USP22: variants seen among roughly 807,000 people sequenced by gnomAD.
USP22 encodes the protein ubiquitin carboxyl-terminal hydrolase 22.
A neutral mutation model predicts 68.1 loss-of-function variants in USP22; 22 were observed. The observed-to-expected ratio is 0.32, with a 90% CI of 0.23 to 0.46. The LOEUF is 0.46. Among genes scored for constraint, USP22 ranks in the 20% least tolerant of loss-of-function variants. USP22 has a pLI of 1.00. For synonymous variants in USP22, 279 were observed against 274.2 expected, an observed-to-expected ratio of 1.02 and a Z score of -0.17; for missense variants, 433 against 695.8, an observed-to-expected ratio of 0.62 and a Z score of 4.25.
chr17:21,036,894 T>G (rs1047325058), intron 1 of USP22, among the ~76,000 whole-genome samples: 4 of 152,160 alleles, frequency 2.6e-5, no homozygotes, highest in African/African-American at 4.8e-5. Context: ...GCCCAGATCT[T>G]GAGATCTAAT....
rs1329886132 is a variant in USP22, at chr17:21,000,175, CT to C, written c.*2855del. The C allele has an allele frequency of 1.3e-5, 2 of 152,246 alleles. No homozygotes were observed. Among genetic ancestry groups the C allele is most frequent in the Non-Finnish European group, 2.9e-5 (2 of 68,050 alleles). 9.4% of individuals were successfully genotyped at this position (152,246 alleles called of 1,614,324 possible). On this transcript the variant is annotated 3_prime_UTR_variant, in exon 13 of 13. Coordinates refer to ENST00000261497, the MANE Select transcript of USP22 (RefSeq NM_015276.2). ...GGGGGCCCCTTAGTGGTCAGATGCA[CT>C]TTGTCACAATGTACACCTACATGGG...
intron 1 of USP22, among the ~76,000 whole-genome samples, chr17:21,034,999 G>A (rs755102401): frequency 6.6e-6 from 1 of 152,092 alleles, no homozygotes; most frequent in African/African-American, 2.4e-5. Flanking sequence ...AAGGATGGGG[G>A]TGAGTACTCT....
intron 2 of USP22, among the ~76,000 whole-genome samples, chr17:21,022,421 CTTAA>C (rs974082074): frequency 2.0e-5 from 3 of 152,146 alleles, no homozygotes; most frequent in Admixed American, 6.5e-5. Flanking sequence ...AGTTTGGGCT[CTTAA>C]TTATTTTATC....
intron 5 of USP22, among the ~76,000 whole-genome samples, chr17:21,017,086 C>G (rs1972092349): frequency 6.6e-6 from 1 of 152,142 alleles, no homozygotes; most frequent in Non-Finnish European, 1.5e-5. Context: ...TAGGCTCGAC[C>G]AGAGGCTGGC....
In USP22 at chr17:21,000,556, A is replaced by T. The variant is rs1913528567; in HGVS notation, c.*2475T>A. ...CAGCCACCCCTGAATGCAAGTGGAG[A>T]CAGGAAGGGGACTAGGGGTTGGCCG... is the stretch of plus-strand genomic sequence containing the variant. On this transcript the variant is annotated 3_prime_UTR_variant, in exon 13 of 13. Coordinates refer to ENST00000261497, the MANE Select transcript of USP22 (RefSeq NM_015276.2). 6.6e-6 allele frequency: 1 copy of T among 152,386 alleles called. No individual in the cohort carries two copies. The highest frequency in any genetic ancestry group is 6.5e-5 in the Admixed American group (1 of 15,294). 9.4% of individuals were successfully genotyped at this position (152,386 alleles called of 1,614,324 possible). A position where few individuals can be genotyped will look rare whatever the true frequency, so the allele number is the denominator to read the frequency against.
At chr17:21,036,189 C>T (rs572274213) in intron 1 of USP22, among the ~76,000 whole-genome samples, 11 of 151,938 alleles carry the variant, frequency 7.2e-5, no homozygotes, top group Admixed American at 1.3e-4. Flanking sequence ...GAGATGGAGA[C>T]GAGACCAGTG....
chr17:21,012,616 C>A (rs552865815), intron 7 of USP22, among the ~76,000 whole-genome samples: 1 of 151,940 alleles, frequency 6.6e-6, no homozygotes, highest in East Asian at 1.9e-4. Context: ...GACCTCAACA[C>A]GAAGGGCTCG....
intron 2 of USP22, among the ~76,000 whole-genome samples, chr17:21,025,751 CAT>C (rs750658556): frequency 4.6e-5 from 7 of 152,148 alleles, no homozygotes; most frequent in South Asian, 4.1e-4. Context: ...CGAAGGGCCA[CAT>C]GTTATATGAT....
intron 2 of USP22, among the ~76,000 whole-genome samples, chr17:21,022,100 A>AAAAAAT (rs1233761883): frequency 2.0e-5 from 3 of 152,136 alleles, no homozygotes; most frequent in Admixed American, 6.6e-5. Context: ...ACTCTGTCTC[A>AAAAAAT]AAAAATAAAA....
intron 2 of USP22, among the ~76,000 whole-genome samples, chr17:21,028,086 A>AGGGAGCCTTTTC (rs1367416232): frequency 6.6e-6 from 1 of 152,236 alleles, no homozygotes; most frequent in African/African-American, 2.4e-5. Flanking sequence ...CACAGTGCTA[A>AGGGAGCCTTTTC]GGGAGCCTTT....
rs1161408089 is a variant in USP22 at position 21,000,398 on chromosome 17, C to G, written c.*2633G>C. ...TGAGCAGCTCTTCAGCAGCAGGCAT[C>G]AGGTAACTGCTTAGAACGGCAATGC... On this transcript the variant is annotated 3_prime_UTR_variant, in exon 13 of 13. Transcript: ENST00000261497. 25 of 152,306 alleles carry G rather than the reference C, an allele frequency of 1.6e-4. No homozygotes were observed. The highest frequency in any genetic ancestry group is 1.6e-3 in the Admixed American group (25 of 15,278). 9.4% of individuals were successfully genotyped at this position (152,306 alleles called of 1,614,324 possible).
intron 1 of USP22, among the ~76,000 whole-genome samples, chr17:21,030,384 G>A (rs1382513): frequency 0.04 from 2,286 of 57,730 alleles, 41 homozygotes; most frequent in Admixed American, 0.11. Flanking sequence ...GTGTGTGTGT[G>A]TGTATGTATG....
At chr17:21,013,801 G>A (rs866872707) in intron 6 of USP22, among the ~76,000 whole-genome samples, 2 of 152,240 alleles carry the variant, frequency 1.3e-5, no homozygotes, top group Admixed American at 1.3e-4. Context: ...ATGGCCAGGC[G>A]CGGTGGCTCA....
rs901147606 is a variant in USP22 at position 21,000,123 on chromosome 17, C to G, written c.*2908G>C. On this transcript the variant is annotated 3_prime_UTR_variant, in exon 13 of 13. Transcript: ENST00000261497. ...CTCCAAAATGCAGGCCATTTTAACA[C>G]TGCTGTGAATGTGCTGGGGTCACCA... is the stretch of plus-strand genomic sequence containing the variant. 6.6e-6 allele frequency: 1 copy of G among 152,262 alleles called. No individual in the cohort carries two copies. Among genetic ancestry groups the G allele is most frequent in the Non-Finnish European group, 1.5e-5 (1 of 68,070 alleles). The allele number at this position is 152,262 out of a possible 1,614,324, so 9.4% of individuals were successfully genotyped here.
intron 2 of USP22, among the ~76,000 whole-genome samples, chr17:21,022,069 C>T (rs1972163008): frequency 6.6e-6 from 1 of 152,106 alleles, no homozygotes; most frequent in East Asian, 1.9e-4. Context: ...CACTGCACTC[C>T]AGCCTGGGCA....
intron 1 of USP22, 142 bp from the exon 2 acceptor site, chr17:21,028,816 AG>A: frequency 9.0e-7 from 1 of 1,107,742 alleles, no homozygotes; most frequent in Non-Finnish European, 1.3e-6. Flanking sequence ...ACTACTCTAG[AG>A]GATCAGTTTA....
At chr17:21,034,799 C>T (rs538507404) in intron 1 of USP22, among the ~76,000 whole-genome samples, 8 of 152,182 alleles carry the variant, frequency 5.3e-5, no homozygotes, top group Admixed American at 3.3e-4. Flanking sequence ...CCATAAAGGG[C>T]TTCTTTTACG....
chr17:21,041,496 G>C (rs1362187657), intron 1 of USP22, among the ~76,000 whole-genome samples: 1 of 152,140 alleles, frequency 6.6e-6, no homozygotes, highest in Non-Finnish European at 1.5e-5. Context: ...TACTCAGGAG[G>C]CTGAGGCAGG....
At chr17:21,027,426 G>T (rs1312237953) in intron 2 of USP22, among the ~76,000 whole-genome samples, 1 of 151,944 alleles carries the variant, frequency 6.6e-6, no homozygotes, top group Non-Finnish European at 1.5e-5. Flanking sequence ...TTATGGACTC[G>T]CATGTTGTTT....
Sources: allele counts gnomAD v4.1 joint callset (sites outside exome capture counted in the v4.1 genomes callset), GRCh38; gene constraint gnomAD v4.1.1; transcripts MANE v1.5; gene names NCBI Gene and HGNC (gene_info 2026-07-23, HGNC 2026-07-21).